TLK2: variants seen among roughly 807,000 people sequenced by gnomAD.
TLK2 encodes serine/threonine-protein kinase tousled-like 2.
TLK2 carries 6 observed loss-of-function variants against 117.3 expected under a neutral mutation model. The ratio of observed to expected loss-of-function variants is 0.05; its 90% CI spans 0.03 to 0.10. The LOEUF is 0.10. TLK2 is among the 10% of genes least tolerant of loss of function. The pLI is 1.00. For missense variants in TLK2, 299 were observed against 901.2 expected (o/e 0.33, Z 8.56); for synonymous variants, 257 against 316.7 (o/e 0.81, Z 2.00).
chr17:62,484,041 C>G (rs1208333386), intron 2 of TLK2, among the ~76,000 whole-genome samples: 2 of 151,956 alleles, frequency 1.3e-5, no homozygotes, highest in African/African-American at 2.4e-5. Flanking sequence ...CCAGGCTGAT[C>G]TCGAACTCCC....
At chr17:62,565,274 A>C (rs912103787) in intron 11 of TLK2, 137 bp downstream of exon 11, 14 of 1,145,640 alleles carry the variant, frequency 1.2e-5, no homozygotes, top group Admixed American at 3.0e-5. Flanking sequence ...CACATGTGGA[A>C]AGAAATGTAT....
At chr17:62,592,259 A>G (rs957131836) in intron 16 of TLK2, among the ~76,000 whole-genome samples, 2 of 152,146 alleles carry the variant, frequency 1.3e-5, no homozygotes, top group Admixed American at 1.3e-4. Flanking sequence ...GCGCCCGGCC[A>G]GAACTACATT....
intron 15 of TLK2, among the ~76,000 whole-genome samples, chr17:62,581,627 G>A (rs2081228772): frequency 6.6e-6 from 1 of 151,598 alleles, no homozygotes; most frequent in Non-Finnish European, 1.5e-5. Context: ...TTTTTATAGT[G>A]ACAGGGTTTC....
At chr17:62,549,983 T>C (rs2078318567) in intron 7 of TLK2, 1 of 151,488 alleles carries the variant, frequency 6.6e-6, no homozygotes, top group Non-Finnish European at 1.5e-5. Flanking sequence ...AATCATAAAC[T>C]TTTTTTTGTT....
At chr17:62,530,501 A>G (rs529912414) in intron 6 of TLK2, among the ~76,000 whole-genome samples, 1 of 152,278 alleles carries the variant, frequency 6.6e-6, no homozygotes, top group Admixed American at 6.5e-5. Context: ...AGAATAAATT[A>G]CCACATGCCA....
At chr17:62,559,440 G>A (rs575692640) in intron 9 of TLK2, among the ~76,000 whole-genome samples, 4 of 150,542 alleles carry the variant, frequency 2.7e-5, no homozygotes, top group East Asian at 3.9e-4. Context: ...GTGCAGTGGC[G>A]TGATCTTGGC....
chr17:62,521,395 G>C (rs2076039133), intron 3 of TLK2, among the ~76,000 whole-genome samples: 1 of 152,102 alleles, frequency 6.6e-6, no homozygotes, highest in African/African-American at 2.4e-5. Context: ...AAAATTGATT[G>C]ACTGATTTTA....
At chr17:62,477,752 T>C (rs573811641), upstream of TLK2, 3 of 152,386 alleles carry the variant, frequency 2.0e-5, no homozygotes, top group South Asian at 6.2e-4. Context: ...GAAGAGTGAT[T>C]TTTTTCCCTT....
At chr17:62,571,791 A>G (rs763031590) in intron 11 of TLK2, among the ~76,000 whole-genome samples, 7 of 152,180 alleles carry the variant, frequency 4.6e-5, no homozygotes, top group Non-Finnish European at 1.0e-4. Context: ...TCCACGAAAG[A>G]TACTGTACTG....
intron 11 of TLK2, among the ~76,000 whole-genome samples, chr17:62,566,015 C>T (rs535238572): frequency 1.4e-4 from 21 of 152,306 alleles, no homozygotes; most frequent in African/African-American, 4.8e-4. Context: ...GAATCTTGAA[C>T]ATTCATTGTC....
intron 9 of TLK2, among the ~76,000 whole-genome samples, chr17:62,556,206 C>T (rs749521651): frequency 6.6e-6 from 1 of 152,076 alleles, no homozygotes; most frequent in African/African-American, 2.4e-5. Flanking sequence ...TGAGTCACTG[C>T]GCTCGGCCTA....
chr17:62,503,890 G>A (rs555401770), intron 2 of TLK2, among the ~76,000 whole-genome samples: 2 of 151,250 alleles, frequency 1.3e-5, no homozygotes, highest in African/African-American at 4.9e-5. Flanking sequence ...CACCACCCCA[G>A]CTAATTTTTT....
intron 6 of TLK2, among the ~76,000 whole-genome samples, chr17:62,527,108 G>A (rs2076414560): frequency 6.6e-6 from 1 of 152,258 alleles, no homozygotes; most frequent in South Asian, 2.1e-4. Context: ...TAGGGTCTTT[G>A]TACTTGTTAT....
chr17:62,554,627 A>T (rs1231195350), intron 9 of TLK2, among the ~76,000 whole-genome samples: 10 of 151,752 alleles, frequency 6.6e-5, no homozygotes, highest in Admixed American at 6.6e-4. Flanking sequence ...GGTGGCCCAT[A>T]CCTGCCACTT....
intron 16 of TLK2, among the ~76,000 whole-genome samples, chr17:62,590,597 G>A (rs2082004441): frequency 6.6e-6 from 1 of 152,088 alleles, no homozygotes; most frequent in South Asian, 2.1e-4. Context: ...TTTGGACATA[G>A]CGATTAACCC....
Position 62,614,321 on chromosome 17 carries a change from C to T in TLK2, c.*1756C>T, listed in dbSNP as rs886615967. On this transcript the variant is annotated 3_prime_UTR_variant, in exon 22 of 22. Coordinates refer to ENST00000346027, the MANE Select transcript of TLK2 (RefSeq NM_006852.6). ...CAGTAGAGAGGGAGGGAGCCAAGAG[C>T]CTGAACATGTGGTCGCCAGCTTGGA... The T allele has an allele frequency of 1.3e-5, 2 of 152,112 alleles. No individual in the cohort carries two copies. Among genetic ancestry groups the T allele is most frequent in the Non-Finnish European group, 2.9e-5 (2 of 68,040 alleles). 9.4% of individuals were successfully genotyped at this position (152,112 alleles called of 1,614,324 possible).
At position 62,524,325 on chromosome 17, in the gene TLK2, C is replaced by T. The variant is rs1483893487; in HGVS notation, c.357C>T (p.Pro119=). The T allele has an allele frequency of 6.2e-7, 1 of 1,612,304 alleles. No individual in the cohort carries two copies. ...CACCGCAACATTCCTTATCCAATCC[C>T]TTACCGGTAAGCATTCACCTGGAGA... ...RSSPQHSLSN[P]LPRRVEQPLY... is the part of the protein sequence containing the mutation. Residue 119 remains proline (P), a synonymous_variant, in exon 6 of 22, where the codon CCC becomes CCT. Transcript: ENST00000346027.
In TLK2 at chr17:62,527,097, A is replaced by G. The variant is rs144486966; in HGVS notation, c.363+2766A>G. ...GAGCTCTGTGAAAAACGCTTTTGCTATAGGGTCTTTGTACTTGTTATTCCC... is the reference window on the plus strand; with the variant it reads ...GAGCTCTGTGAAAAACGCTTTTGCTGTAGGGTCTTTGTACTTGTTATTCCC... On this transcript the variant is annotated intron_variant, in intron 6 of 21. Transcript: ENST00000346027. 5.2e-3 allele frequency among the ~76,000 whole-genome samples: 792 copies of G among 152,236 alleles called. 4 individuals are homozygous for G. The highest frequency in any genetic ancestry group is 0.018 in the African/African-American group (753 of 41,526).
chr17:62,578,660 A>T (rs2146733463), intron 14 of TLK2, 86 bp downstream of exon 14: 1 of 1,015,674 alleles, frequency 9.8e-7, no homozygotes, highest in Non-Finnish European at 1.5e-6. Context: ...GTGTTTGCTT[A>T]ATGTAAGTTA....
Sources: gnomAD v4.1 joint callset for allele counts (sites outside exome capture counted in the v4.1 genomes callset) on GRCh38, gnomAD v4.1.1 for gene constraint, MANE v1.5 for transcripts, NCBI Gene and HGNC (gene_info 2026-07-23, HGNC 2026-07-21) for gene names.